BRWD3: variants seen among roughly 807,000 people sequenced by gnomAD.
BRWD3 encodes the protein bromodomain and WD repeat domain containing 3, also known as bromodomain and WD repeat-containing protein 3.
In BRWD3, 10 loss-of-function variants were observed where a neutral mutation model predicts 149.7. The observed-to-expected ratio is 0.07, with a 90% CI of 0.04 to 0.11. The LOEUF is 0.11. Ranked by LOEUF, BRWD3 falls within the 10% of genes least tolerant of loss-of-function variation. The pLI is 1.00. For missense variants in BRWD3, 940 were observed against 1,373.2 expected, an observed-to-expected ratio of 0.68 and a Z score of 4.99; for synonymous variants, 504 against 456.7, an observed-to-expected ratio of 1.10 and a Z score of -1.32.
At chrX:80,752,529 A>T (rs755862186) in intron 6 of BRWD3, among the ~76,000 whole-genome samples, 1 of 111,943 alleles carries the variant, frequency 8.9e-6, no homozygotes, top group East Asian at 2.8e-4. Context: ...ACAGTGTGTT[A>T]AGAGTTCTTT....
chrX:80,685,266 T>A (rs1265492137), intron 36 of BRWD3, among the ~76,000 whole-genome samples, 196 bp downstream of exon 36: 4 of 111,011 alleles, frequency 3.6e-5, no homozygotes, highest in Non-Finnish European at 7.6e-5. Flanking sequence ...ACAAGGAGGA[T>A]ACAAAGAACA....
chrX:80,704,695 T>C lies in BRWD3; in HGVS notation c.2704A>G (p.Lys902Glu), dbSNP rs1175258490. Residue 902 changes from lysine to glutamate, a missense_variant, in exon 23 of 41, where the codon AAG becomes GAG. Transcript: ENST00000373275. ...KSLEERQKKP[K>E]QTRKKKGGLV... Reference sequence around the variant, plus strand: ...TTACAAACCTTCTTTCTAGTCTGCTTAGGTTTCTTCTGCCTTTCTTCTAGG... The same window carrying C: ...TTACAAACCTTCTTTCTAGTCTGCTCAGGTTTCTTCTGCCTTTCTTCTAGG... 1 of 1,209,575 alleles carries C rather than the reference T, an allele frequency of 8.3e-7. No homozygotes were observed. Among genetic ancestry groups the C allele is most frequent in the African/African-American group, 1.7e-5 (1 of 57,285 alleles).
chrX:80,753,272 G>GTTT (rs200981902), intron 6 of BRWD3, among the ~76,000 whole-genome samples: 4 of 90,525 alleles, frequency 4.4e-5, no homozygotes, highest in Non-Finnish European at 8.7e-5. Context: ...GTGCTTTTCA[G>GTTT]TTTTTTTTTT....
chrX:80,740,351 T>TA (rs1330080525), intron 8 of BRWD3, among the ~76,000 whole-genome samples: 1 of 112,315 alleles, frequency 8.9e-6, no homozygotes, highest in African/African-American at 3.2e-5. Flanking sequence ...TTTCATTAAA[T>TA]AAAAAATATT....
At position 80,722,647 on chromosome X, in the gene BRWD3, A is replaced by G. The variant is rs1010451882; in HGVS notation, c.1791T>C (p.His597=). 5.0e-6 allele frequency: 6 copies of G among 1,209,763 alleles called. No individual in the cohort carries two copies. Among genetic ancestry groups the G allele is most frequent in the Non-Finnish European group, 6.7e-6 (6 of 895,158 alleles). The change falls in exon 17 of 41, where the codon CAT becomes CAC. Residue 597 remains histidine (H), a synonymous_variant. Coordinates refer to ENST00000373275, the MANE Select transcript of BRWD3 (RefSeq NM_153252.5). The part of the protein sequence containing the change: ...PFLVDVDGNP[H]PTKFQRLVPG... ...GTACCAACCGTTGGAATTTTGTGGG[A>G]TGAGGATTTCCATCAACATCCACCA...
rs140443912 is a variant in BRWD3 at position 80,681,634 on chromosome X, T to C, written c.4496-135A>G. ...TATAAGTTTCTCTAAGAAAATGATA[T>C]GAATATTTTGAGAACAAAGGGTTGA... On this transcript the variant is annotated intron_variant, in intron 39 of 40. Coordinates refer to ENST00000373275, the MANE Select transcript of BRWD3 (RefSeq NM_153252.5). 5.0e-3 allele frequency: 2,689 copies of C among 541,977 alleles called. 54 individuals carry two copies. The African/African-American group carries it at 0.056, about 11-fold the overall frequency. The allele number at this position is 541,977 out of a possible 1,213,427, so 44.7% of individuals were successfully genotyped here.
Position 80,736,105 on chromosome X carries a change from T to A in BRWD3, c.814-17A>T. ...TGGACAAAACTTAAAAAAAAAAAAATCTGATTCAAATAAAAAGTTTTCATG... is the reference window on the plus strand; with the variant it reads ...TGGACAAAACTTAAAAAAAAAAAAAACTGATTCAAATAAAAAGTTTTCATG... On this transcript the variant is annotated splice_polypyrimidine_tract_variant and intron_variant, in intron 8 of 40. Transcript: ENST00000373275. 1.0e-6 allele frequency: 1 copy of A among 954,484 alleles called. No individual in the cohort carries two copies. Among genetic ancestry groups the A allele is most frequent in the Admixed American group, 2.4e-5 (1 of 42,283 alleles). The allele number at this position is 954,484 out of a possible 1,213,427, so 78.7% of individuals were successfully genotyped here. A position where few individuals can be genotyped will look rare whatever the true frequency, so the allele number is the denominator to read the frequency against.
chrX:80,691,559 AG>A (rs1360930962), intron 30 of BRWD3, among the ~76,000 whole-genome samples: 1 of 112,005 alleles, frequency 8.9e-6, no homozygotes, highest in Non-Finnish European at 1.9e-5. Context: ...GAATAGCTAG[AG>A]AATCAAAGTG....
chrX:80,692,040 C>T (rs760581657), intron 29 of BRWD3, 49 bp downstream of exon 29: 21 of 1,184,342 alleles, frequency 1.8e-5, no homozygotes, highest in Non-Finnish European at 1.8e-5. Flanking sequence ...ATGTGATTAC[C>T]ATTTTACTTT....
intron 20 of BRWD3, among the ~76,000 whole-genome samples, chrX:80,713,660 C>T (rs982149022): frequency 2.7e-5 from 3 of 109,765 alleles, no homozygotes; most frequent in Non-Finnish European, 3.8e-5. Context: ...AAATCCCCCT[C>T]TGCGAGAGAC....
At chrX:80,739,019 T>C (rs1222066653) in intron 8 of BRWD3, among the ~76,000 whole-genome samples, 2 of 111,934 alleles carry the variant, frequency 1.8e-5, no homozygotes, top group Admixed American at 9.5e-5. Context: ...AAAATAACTT[T>C]GTCTGTTAAA....
At chrX:80,784,460 T>C (rs2074088611) in intron 6 of BRWD3, among the ~76,000 whole-genome samples, 1 of 111,417 alleles carries the variant, frequency 9.0e-6, no homozygotes, top group South Asian at 3.8e-4. Flanking sequence ...ATATGTACCA[T>C]GGTGGTTTGC....
At chrX:80,809,071 G>A (rs896642386) in intron 2 of BRWD3, 29 bp from the exon 3 acceptor site, 5 of 1,178,937 alleles carry the variant, frequency 4.2e-6, no homozygotes, top group Non-Finnish European at 5.7e-6. Flanking sequence ...CAGATATGAG[G>A]AGCAGCTCGG....
intron 20 of BRWD3, chrX:80,709,854 G>A (rs921426968): frequency 4.4e-5 from 23 of 519,481 alleles, no homozygotes; most frequent in South Asian, 4.1e-4. Context: ...ACAACGCAGA[G>A]TAATAGTTTA....
At chrX:80,757,627 T>C (rs1229136517) in intron 6 of BRWD3, among the ~76,000 whole-genome samples, 1 of 112,423 alleles carries the variant, frequency 8.9e-6, no homozygotes, top group Non-Finnish European at 1.9e-5. Context: ...CAGAATCCAT[T>C]GTCTCTTAGA....
Position 80,671,691 on chromosome X carries a change from T to C in BRWD3, c.*4918A>G, listed in dbSNP as rs767676792. ...ATCTTTTATAAATCAAGCCAGTTTA[T>C]ATTACCTTTTTTACTGAATTTTAGT... is the stretch of plus-strand genomic sequence containing the variant. On this transcript the variant is annotated 3_prime_UTR_variant, in exon 41 of 41. Transcript: ENST00000373275. 1.8e-5 allele frequency: 2 copies of C among 112,334 alleles called. No homozygotes were observed. Among genetic ancestry groups the C allele is most frequent in the East Asian group, 5.6e-4 (2 of 3,594 alleles). The allele number at this position is 112,334 out of a possible 1,213,427, so 9.3% of individuals were successfully genotyped here.
At chrX:80,690,767 T>C (rs2072601144) in intron 31 of BRWD3, among the ~76,000 whole-genome samples, 1 of 111,893 alleles carries the variant, frequency 8.9e-6, no homozygotes, top group African/African-American at 3.2e-5. Flanking sequence ...TTAATAACGA[T>C]GAATCCACAA....
intron 4 of BRWD3, among the ~76,000 whole-genome samples, chrX:80,798,141 AAC>A (rs2074257451): frequency 9.0e-6 from 1 of 111,658 alleles, no homozygotes; most frequent in Admixed American, 9.6e-5. Flanking sequence ...ATATGATTGT[AAC>A]ACTAGAGAAA....
At chrX:80,754,333 C>A (rs2073710575) in intron 6 of BRWD3, among the ~76,000 whole-genome samples, 1 of 111,820 alleles carries the variant, frequency 8.9e-6, no homozygotes, top group Admixed American at 9.5e-5. Context: ...AGAAATGCTA[C>A]TAATTTTTGT....
Sources: gnomAD v4.1 joint callset for allele counts (sites outside exome capture counted in the v4.1 genomes callset) on GRCh38, gnomAD v4.1.1 for gene constraint, MANE v1.5 for transcripts, NCBI Gene and HGNC (gene_info 2026-07-23, HGNC 2026-07-21) for gene names.